TCF7L2: variants seen among roughly 807,000 people sequenced by gnomAD.
TCF7L2 encodes the protein transcription factor 7-like 2.
A neutral mutation model predicts 77.9 loss-of-function variants in TCF7L2; 23 were observed. That is an observed-to-expected ratio of 0.30 (90% confidence interval 0.21 to 0.42). TCF7L2 has a LOEUF of 0.42. Ranked by LOEUF, TCF7L2 falls within the 10% of genes least tolerant of loss-of-function variation. TCF7L2 has a pLI of 1.00. For missense variants in TCF7L2, 654 were observed against 793.1 expected (o/e 0.82, Z 2.11); for synonymous variants, 413 against 340.2 (o/e 1.21, Z -2.36).
Position 112,951,238 on chromosome 10 carries a change from G to A in TCF7L2, c.221G>A (p.Ser74Asn). Residue 74 changes from serine (S) to asparagine (N), a missense_variant, in exon 2 of 14, where the codon AGT becomes AAT. By Grantham distance (46) the Ser-to-Asn change is conservative (BLOSUM62 1). This residue lies in a region of TCF7L2 where 132 missense variants were observed against 123.7 expected (regional missense o/e 1.07). Coordinates refer to ENST00000627217, the MANE Select transcript of TCF7L2 (RefSeq NM_001146274.2). ...AGACGGCCTCCGCCTCGCTCCGAAA[G>A]TTTCCGAGACAAATCCCGGGAAAGT... 1 of 1,577,698 alleles carries A rather than the reference G, an allele frequency of 6.3e-7. No homozygotes were observed. Among genetic ancestry groups the A allele is most frequent in the Non-Finnish European group, 8.6e-7 (1 of 1,164,726 alleles).
intron 5 of TCF7L2, among the ~76,000 whole-genome samples, chr10:113,041,793 G>A (rs569599372): frequency 2.6e-5 from 4 of 152,138 alleles, no homozygotes; most frequent in South Asian, 2.1e-4. Context: ...CAGGTTTCCC[G>A]CCTCCCTGAA....
At chr10:112,951,138 T>G (rs2030956348) in intron 1 of TCF7L2, 69 bp from the exon 2 acceptor site, 1 of 1,376,528 alleles carries the variant, frequency 7.3e-7, no homozygotes, top group Non-Finnish European at 9.9e-7. Context: ...CCGATTCTTT[T>G]TCTCCCCCTT....
chr10:112,955,538 A>G (rs2033325491), intron 3 of TCF7L2, among the ~76,000 whole-genome samples: 1 of 152,230 alleles, frequency 6.6e-6, no homozygotes, highest in African/African-American at 2.4e-5. Context: ...TAACGAGCTT[A>G]TCTGGAAGAC....
chr10:112,998,101 CTTTTTTT>C (rs751249543), intron 4 of TCF7L2, among the ~76,000 whole-genome samples: 1 of 140,108 alleles, frequency 7.1e-6, no homozygotes, highest in African/African-American at 2.6e-5. Flanking sequence ...TCTGGTCCTA[CTTTTTTT>C]TTTTTTTTTC....
intron 12 of TCF7L2, 32 bp downstream of exon 14, chr10:113,160,024 G>A: frequency 6.3e-7 from 1 of 1,599,062 alleles, no homozygotes; most frequent in Non-Finnish European, 8.6e-7. Context: ...CGCTGTGCTG[G>A]TTTGCAGCTG....
intron 5 of TCF7L2, among the ~76,000 whole-genome samples, chr10:113,088,320 T>C (rs1591531929): frequency 6.6e-6 from 1 of 152,096 alleles, no homozygotes; most frequent in Non-Finnish European, 1.5e-5. Flanking sequence ...CTGAGCTATA[T>C]TCCCCCTCTG....
chr10:113,129,862 G>A (rs1271782733), intron 5 of TCF7L2: 1 of 1,289,770 alleles, frequency 7.8e-7, no homozygotes, highest in East Asian at 5.5e-5. Flanking sequence ...AACCAAGGCT[G>A]TTATGTACCC....
intron 5 of TCF7L2, among the ~76,000 whole-genome samples, chr10:113,044,778 A>G (rs1034295654): frequency 5.9e-5 from 9 of 152,192 alleles, no homozygotes; most frequent in South Asian, 2.1e-4. Flanking sequence ...AAGGTCCTCA[A>G]GGGAAAAGTG....
chr10:113,075,867 AGC>A (rs2058634934), intron 5 of TCF7L2, among the ~76,000 whole-genome samples: 2 of 152,042 alleles, frequency 1.3e-5, no homozygotes, highest in South Asian at 4.1e-4. Flanking sequence ...AGGATCTTAC[AGC>A]CGGGGCCTGT....
chr10:113,097,088 T>C (rs2061068139), intron 5 of TCF7L2, among the ~76,000 whole-genome samples: 1 of 151,876 alleles, frequency 6.6e-6, no homozygotes, highest in Admixed American at 6.6e-5. Flanking sequence ...TTGCCTGTGA[T>C]CTACACACAG....
In TCF7L2 at chr10:112,951,503, G is replaced by A. The variant is rs750172202; in HGVS notation, c.277G>A (p.Gly93Arg). 7.5e-5 allele frequency: 107 copies of A among 1,435,818 alleles called. No homozygotes were observed. The highest frequency in any genetic ancestry group is 9.6e-5 in the Non-Finnish European group (103 of 1,072,710). 88.9% of individuals were successfully genotyped at this position (1,435,818 alleles called of 1,614,324 possible). ...GTTAGCGGCCAAGAGGCAAGATGGA[G>A]GGCTCTTTAAGGGGCCACCGTATCC... Residue 93 changes from glycine (G) to arginine (R), a missense_variant, in exon 3 of 14, where the codon GGG (glycine) becomes AGG (arginine). This residue lies in a region of TCF7L2 where 132 missense variants were observed against 123.7 expected (regional missense o/e 1.07). Transcript: ENST00000627217.
At chr10:113,017,076 C>T (rs2047465658) in intron 4 of TCF7L2, among the ~76,000 whole-genome samples, 1 of 152,174 alleles carries the variant, frequency 6.6e-6, no homozygotes, top group South Asian at 2.1e-4. Flanking sequence ...CACTCCTTTC[C>T]ACTCTGTCTC....
chr10:112,965,015 A>G (rs1426066687), intron 4 of TCF7L2, among the ~76,000 whole-genome samples: 4 of 152,100 alleles, frequency 2.6e-5, no homozygotes, highest in Admixed American at 1.3e-4. Context: ...AATTGGGAGT[A>G]AAACGGGGTG....
intron 4 of TCF7L2, among the ~76,000 whole-genome samples, chr10:112,972,531 G>A (rs1158857022): frequency 1.3e-5 from 2 of 152,168 alleles, no homozygotes; most frequent in Non-Finnish European, 2.9e-5. Flanking sequence ...GCACAGTGGT[G>A]TGATCATAGC....
chr10:113,031,798 T>C (rs1167918611), intron 4 of TCF7L2, among the ~76,000 whole-genome samples: 1 of 152,132 alleles, frequency 6.6e-6, no homozygotes, highest in African/African-American at 2.4e-5. Flanking sequence ...CCTACTTACC[T>C]TCTTTGTGTT....
In TCF7L2 at chr10:112,953,520, T is replaced by TC. The variant is rs1324862611; in HGVS notation, c.381+1917dup. ...AATCCCTGAGAATTTCTGCCTCTCC[T>TC]CCCCTCCCCCTTCCGATGGAAACCT... On this transcript the variant is annotated intron_variant, in intron 3 of 13. Coordinates refer to ENST00000627217, the MANE Select transcript of TCF7L2 (RefSeq NM_001146274.2). Among the ~76,000 whole-genome samples, 5 of 152,240 alleles carry TC rather than the reference T, an allele frequency of 3.3e-5. No individual in the cohort carries two copies. In the South Asian group the frequency reaches 8.3e-4, roughly 25 times the overall value.
chr10:113,094,186 C>G (rs2060691723), intron 5 of TCF7L2, among the ~76,000 whole-genome samples: 1 of 152,214 alleles, frequency 6.6e-6, no homozygotes, highest in African/African-American at 2.4e-5. Flanking sequence ...GAAGAGACTT[C>G]CGCTAAATTT....
intron 5 of TCF7L2, among the ~76,000 whole-genome samples, chr10:113,130,777 A>T (rs1592112176): frequency 6.6e-6 from 1 of 151,038 alleles, no homozygotes; most frequent in African/African-American, 2.4e-5. Context: ...TATTATTATT[A>T]TTTTTGAGAC....
intron 4 of TCF7L2, among the ~76,000 whole-genome samples, chr10:113,010,587 A>G (rs2046297979): frequency 6.6e-6 from 1 of 152,230 alleles, no homozygotes; most frequent in African/African-American, 2.4e-5. Context: ...AAGACAACTG[A>G]ATCTCAGAGA....
Sources: gnomAD v4.1 joint callset for allele counts (sites outside exome capture counted in the v4.1 genomes callset) on GRCh38, gnomAD v4.1.1 for gene constraint, gnomAD v4.1.1 regional missense constraint, MANE v1.5 for transcripts, NCBI Gene and HGNC (gene_info 2026-07-23, HGNC 2026-07-21) for gene names.